Variants in MYBPC1 observed in about 807,000 individuals in gnomAD.
MYBPC1 encodes the protein myosin-binding protein C, slow-type.
In MYBPC1, 52 loss-of-function variants were observed where a neutral mutation model predicts 147.1. That is an observed-to-expected ratio of 0.35 (90% confidence interval 0.28 to 0.45). The LOEUF (loss-of-function observed/expected upper bound fraction) is 0.45. MYBPC1 is among the 20% of genes least tolerant of loss of function. The pLI is 1.00. For missense variants in MYBPC1, 1,228 were observed against 1,440.3 expected (o/e 0.85, Z 2.39); for synonymous variants, 477 against 475.9 (o/e 1.00, Z -0.03).
intron 21 of MYBPC1, among the ~76,000 whole-genome samples, chr12:101,662,857 C>G (rs1896800851): frequency 6.6e-6 from 1 of 152,112 alleles, no homozygotes; most frequent in African/African-American, 2.4e-5. Flanking sequence ...TTTCCATTTG[C>G]CCTTCTGAAG....
At position 101,627,700 on chromosome 12, in the gene MYBPC1, T is replaced by G. The variant is rs905668497; in HGVS notation, c.143-69T>G. The G allele has an allele frequency of 1.9e-6, 3 of 1,551,624 alleles. No homozygotes were observed. In the African/African-American group the frequency reaches 4.1e-5, roughly 21 times the overall value. On this transcript the variant is annotated intron_variant, in intron 4 of 31. Transcript: ENST00000361466. Reference sequence around the variant, plus strand: ...AGGGTTTAGGGGAATCCAAGAAGGTTGAAGTCAGCACTCCATTTTCATCCC... The same window carrying G: ...AGGGTTTAGGGGAATCCAAGAAGGTGGAAGTCAGCACTCCATTTTCATCCC...
intron 10 of MYBPC1, among the ~76,000 whole-genome samples, chr12:101,637,373 T>C (rs544587249): frequency 8.5e-5 from 13 of 152,268 alleles, no homozygotes; most frequent in Non-Finnish European, 1.6e-4. Context: ...GATTTCATTA[T>C]GGATACTTAG....
chr12:101,604,035 A>G (rs962620956), intron 1 of MYBPC1, among the ~76,000 whole-genome samples: 8 of 152,202 alleles, frequency 5.3e-5, no homozygotes, highest in Admixed American at 3.9e-4. Context: ...TTTCTTTTTG[A>G]CCTATGCTAA....
chr12:101,621,383 A>G (rs7138495), intron 3 of MYBPC1, among the ~76,000 whole-genome samples: 19,492 of 152,232 alleles, frequency 0.13, 1,477 homozygotes, highest in African/African-American at 0.19. Context: ...TGGTTTTATA[A>G]GCATCAAAGT....
chr12:101,668,004 T>C (rs1897804559), intron 23 of MYBPC1, 105 bp downstream of exon 23: 1 of 1,251,502 alleles, frequency 8.0e-7, no homozygotes, highest in South Asian at 1.3e-5. Context: ...TTGTTACTCC[T>C]TTGATATTTT....
intron 1 of MYBPC1, among the ~76,000 whole-genome samples, chr12:101,597,600 C>T (rs1273093864): frequency 7.9e-5 from 12 of 152,194 alleles, no homozygotes; most frequent in Admixed American, 7.2e-4. Context: ...AAGAGGAAGT[C>T]TAATGGAAGT....
chr12:101,634,402 T>C, intron 8 of MYBPC1, 152 bp from the exon 9 acceptor site: 1 of 656,558 alleles, frequency 1.5e-6, no homozygotes, highest in Non-Finnish European at 2.8e-6. Context: ...GGAGGTATGA[T>C]GAGGCCTTGG....
chr12:101,678,296 A>C (rs566677177), intron 28 of MYBPC1, 58 bp downstream of exon 28: 2 of 1,598,742 alleles, frequency 1.3e-6, no homozygotes, highest in African/African-American at 2.7e-5. Flanking sequence ...GTTGTGTTAT[A>C]ATGTAAGTAA....
chr12:101,695,401 T>G, the MYBPC1 span, among the ~76,000 whole-genome samples: 1 of 152,216 alleles, frequency 6.6e-6, no homozygotes, highest in Admixed American at 6.5e-5. Context: ...ATCACGCTAC[T>G]CAGAATGGCA....
rs79367589 is a variant in MYBPC1, at chr12:101,662,329, A to T, written c.2033-29A>T. ...GTTTAATTTCAGAGACCAAGGAAAA[A>T]CCTTAGTTTTCATTTTGCATACCTG... On this transcript the variant is annotated intron_variant, in intron 20 of 31. Transcript: ENST00000361466. The T allele has an allele frequency of 0.021, 33,691 of 1,611,428 alleles. 550 individuals carry two copies. Among genetic ancestry groups the T allele is most frequent in the African/African-American group, 0.069 (5,139 of 74,956 alleles).
chr12:101,659,992 C>G (rs1333060366), intron 19 of MYBPC1, 161 bp downstream of exon 19: 1 of 922,200 alleles, frequency 1.1e-6, no homozygotes, highest in Admixed American at 2.1e-5. Flanking sequence ...GAAAGAAGAG[C>G]TAAGGTCAGC....
At chr12:101,641,523 C>G (rs556334931) in intron 10 of MYBPC1, among the ~76,000 whole-genome samples, 5 of 152,198 alleles carry the variant, frequency 3.3e-5, no homozygotes, top group African/African-American at 1.2e-4. Context: ...CATATATGTT[C>G]TTTATGTGTT....
At chr12:101,634,817 T>C (rs1233606274) in intron 9 of MYBPC1, among the ~76,000 whole-genome samples, 2 of 152,224 alleles carry the variant, frequency 1.3e-5, no homozygotes, top group Non-Finnish European at 2.9e-5. Context: ...AATGTTCTTG[T>C]TATAAAGAAG....
chr12:101,609,333 C>T (rs149373197), intron 1 of MYBPC1, among the ~76,000 whole-genome samples: 1 of 152,016 alleles, frequency 6.6e-6, no homozygotes, highest in African/African-American at 2.4e-5. Context: ...GCTCTGTCAC[C>T]CCAGCTGGAG....
the MYBPC1 span, among the ~76,000 whole-genome samples, chr12:101,692,918 A>T: frequency 6.6e-6 from 1 of 151,974 alleles, no homozygotes; most frequent in Non-Finnish European, 1.5e-5. Flanking sequence ...TGAGTAGTTT[A>T]AAAATGGTTT....
At chr12:101,686,152 G>A (rs780510221), downstream of MYBPC1, 1 of 152,332 alleles carries the variant, frequency 6.6e-6, no homozygotes. Flanking sequence ...CTTCTTATTT[G>A]AATGCAATAA....
intron 22 of MYBPC1, chr12:101,664,539 A>G (rs1897115407): frequency 6.6e-6 from 1 of 152,234 alleles, no homozygotes. Flanking sequence ...AGGAATGTGA[A>G]CGCAAATGCA....
In MYBPC1 at chr12:101,675,343, A is replaced by G; in HGVS notation, c.2861A>G (p.Asn954Ser). Reference sequence around the variant, plus strand: ...AAGATTGAGGATGTCTGGGGAGAAAATGTCGCTCTCACATGGACTCCACCA... The same window carrying G: ...AAGATTGAGGATGTCTGGGGAGAAAGTGTCGCTCTCACATGGACTCCACCA... ...IVKIEDVWGE[N>S]VALTWTPPKD... is the part of the protein sequence containing the mutation. Residue 954 changes from asparagine (N) to serine (S), a missense_variant, in exon 26 of 32, where the codon AAT (asparagine) becomes AGT (serine). Coordinates refer to ENST00000361466, the MANE Select transcript of MYBPC1 (RefSeq NM_002465.4). 1 of 1,614,080 alleles carries G rather than the reference A, an allele frequency of 6.2e-7. No individual in the cohort carries two copies. The highest frequency in any genetic ancestry group is 8.5e-7 in the Non-Finnish European group (1 of 1,179,988).
chr12:101,695,028 G>A, the MYBPC1 span, among the ~76,000 whole-genome samples: 2 of 152,204 alleles, frequency 1.3e-5, no homozygotes, highest in Non-Finnish European at 2.9e-5. Context: ...TTCTGGATCA[G>A]AATTGTGGTG....
Sources: allele counts gnomAD v4.1 joint callset (sites outside exome capture counted in the v4.1 genomes callset), GRCh38; gene constraint gnomAD v4.1.1; transcripts MANE v1.5; gene names NCBI Gene and HGNC (gene_info 2026-07-23, HGNC 2026-07-21).